The following SCAND1 variants were observed in gnomAD, a reference collection of about 807,000 sequenced individuals.
SCAND1 encodes SCAN domain-containing protein 1.
Under a neutral mutation model 3.4 loss-of-function variants are expected in SCAND1, and 3 were observed. That is an observed-to-expected ratio of 0.87 (90% confidence interval 0.40 to 2.25). The LOEUF (loss-of-function observed/expected upper bound fraction) is 2.25. SCAND1 is among the 30% of genes most tolerant of loss of function. SCAND1 has a pLI of 0.05. For synonymous variants in SCAND1, 152 were observed against 120.5 expected (o/e 1.26, Z -1.72); for missense variants, 303 against 258.8 (o/e 1.17, Z -1.17).
Position 35,954,203 on chromosome 20 carries a change from T to C in SCAND1, c.82A>G (p.Ser28Gly). 6.2e-7 allele frequency: 1 copy of C among 1,612,216 alleles called. No homozygotes were observed. Among genetic ancestry groups the C allele is most frequent in the African/African-American group, 1.3e-5 (1 of 74,968 alleles). The change falls in exon 2 of 2, where the codon AGC becomes GGC. Residue 28 changes from serine (S) to glycine (G), a missense_variant. By Grantham distance (56) the Ser-to-Gly change is moderately conservative (BLOSUM62 0). Transcript: ENST00000305978. ...ACACAGTTACGCTCAGGGGCTGAGC[T>C]CGAACCGGCTCCTTCCAGTTTCTCC... ...PPEKLEGAGSSSAPERNCVGS... is the reference protein window; with the variant it reads ...PPEKLEGAGSGSAPERNCVGS...
Position 35,954,147 on chromosome 20 carries a change from A to C in SCAND1, c.138T>G (p.Pro46=). ...VGSSLPEASP[P]APEPSSPNAA... ...CGTTGGGACTGGAAGGCTCAGGGGCAGGCGGTGAGGCCTCTGGCAGCGAGG... is the reference window on the plus strand; with the variant it reads ...CGTTGGGACTGGAAGGCTCAGGGGCCGGCGGTGAGGCCTCTGGCAGCGAGG... Residue 46 remains proline (P), a synonymous_variant, in exon 2 of 2, where the codon CCT becomes CCG. Coordinates refer to ENST00000305978, the MANE Select transcript of SCAND1 (RefSeq NM_033630.3). 2 of 1,584,186 alleles carry C rather than the reference A, an allele frequency of 1.3e-6. No homozygotes were observed. The highest frequency in any genetic ancestry group is 1.7e-6 in the Non-Finnish European group (2 of 1,165,960).
chr20:35,954,410 G>A (rs1298435728), intron 1 of SCAND1, 38 bp downstream of exon 1: 1 of 1,554,140 alleles, frequency 6.4e-7, no homozygotes, highest in Non-Finnish European at 8.7e-7. Context: ...CCTTGAGGGA[G>A]TCGGACTCGG....
chr20:35,957,914 C>G (rs1332356597), upstream of SCAND1: 1 of 152,150 alleles, frequency 6.6e-6, no homozygotes, highest in Non-Finnish European at 1.5e-5. Flanking sequence ...GCTTCCAACA[C>G]AAGGCCTGAC....
At position 35,954,279 on chromosome 20, in the gene SCAND1, C is replaced by G. The variant is rs1379768256; in HGVS notation, c.6G>C (p.Ala2=). M[A]ATEPILAATG... is the part of the protein sequence containing the mutation. ...TGGCCGCCAAGATCGGCTCCGTAGCCGCCATAACTCCAGCTCCGGGCGTCA... is the reference window on the plus strand; with the variant it reads ...TGGCCGCCAAGATCGGCTCCGTAGCGGCCATAACTCCAGCTCCGGGCGTCA... The change falls in exon 2 of 2, where the codon GCG becomes GCC. Residue 2 remains alanine (A), a synonymous_variant. Coordinates refer to ENST00000305978, the MANE Select transcript of SCAND1 (RefSeq NM_033630.3). 6.2e-7 allele frequency: 1 copy of G among 1,613,524 alleles called. No homozygotes were observed. The highest frequency in any genetic ancestry group is 8.5e-7 in the Non-Finnish European group (1 of 1,179,928).
chr20:35,953,857 G>A lies in SCAND1; in HGVS notation c.428C>T (p.Thr143Ile), dbSNP rs1347259663. ...CAGCATCTCCACGATCTGCTCCTTG[G>A]TGCGGATGTCAGGCCGCAGCCACTG... is the stretch of plus-strand genomic sequence containing the variant. ...SRQWLRPDIR[T>I]KEQIVEMLVQ... Residue 143 changes from threonine to isoleucine, a missense_variant, in exon 2 of 2, where the codon ACC becomes ATC. By Grantham distance (89) the Thr-to-Ile change is moderately conservative (BLOSUM62 -1). Coordinates refer to ENST00000305978, the MANE Select transcript of SCAND1 (RefSeq NM_033630.3). 1 of 1,592,008 alleles carries A rather than the reference G, an allele frequency of 6.3e-7. No individual in the cohort carries two copies. The highest frequency in any genetic ancestry group is 1.3e-5 in the African/African-American group (1 of 74,312).
chr20:35,957,586 CAT>C (rs1328477294), upstream of SCAND1: 1 of 152,108 alleles, frequency 6.6e-6, no homozygotes, highest in Non-Finnish European at 1.5e-5. Flanking sequence ...TGAAAAAAAA[CAT>C]ATAATGCCTC....
In SCAND1 at chr20:35,953,942, G is replaced by T; in HGVS notation, c.343C>A (p.Arg115Ser). 2 of 1,578,904 alleles carry T rather than the reference G, an allele frequency of 1.3e-6. No individual in the cohort carries two copies. Among genetic ancestry groups the T allele is most frequent in the East Asian group, 2.3e-5 (1 of 42,884 alleles). ...ETFRQRFRQF[R>S]YQDAAGPREA... ...CGGGGACCCGCCGCATCCTGGTAGC[G>T]GAACTGCCGGAAACGCTGGCGGAAC... is the stretch of plus-strand genomic sequence containing the variant. The change falls in exon 2 of 2, where the codon CGC becomes AGC. Residue 115 changes from arginine to serine, a missense_variant. Coordinates refer to ENST00000305978, the MANE Select transcript of SCAND1 (RefSeq NM_033630.3).
chr20:35,955,662 C>T (rs1345404477), upstream of SCAND1, among the ~76,000 whole-genome samples: 3 of 152,200 alleles, frequency 2.0e-5, no homozygotes, highest in Non-Finnish European at 1.5e-5. Flanking sequence ...ACTTACCTCT[C>T]AGAGGTAATT....
rs3171387 is a variant in SCAND1, at chr20:35,953,659, T to G, written c.*86A>C. On this transcript the variant is annotated 3_prime_UTR_variant, in exon 2 of 2. Transcript: ENST00000305978. ...AAACTCATTTTTCATTAACACGGGG[T>G]GGGGTCCCAGGCTCAGGCCCCCGGG... 1 of 793,032 alleles carries G rather than the reference T, an allele frequency of 1.3e-6. No individual in the cohort carries two copies. Among genetic ancestry groups the G allele is most frequent in the African/African-American group, 1.8e-5 (1 of 54,362 alleles). The allele number at this position is 793,032 out of a possible 1,614,324, so 49.1% of individuals were successfully genotyped here. A position where few individuals can be genotyped will look rare whatever the true frequency, so the allele number is the denominator to read the frequency against.
rs747027871 is a variant in SCAND1, at chr20:35,954,249, C to G, written c.36G>C (p.Gly12=). 1.2e-6 allele frequency: 2 copies of G among 1,613,108 alleles called. No individual in the cohort carries two copies. The highest frequency in any genetic ancestry group is 2.2e-5 in the South Asian group (2 of 91,086). The change falls in exon 2 of 2, where the codon GGG becomes GGC. Residue 12 remains glycine, a synonymous_variant. Coordinates refer to ENST00000305978, the MANE Select transcript of SCAND1 (RefSeq NM_033630.3). ...AATEPILAAT[G]SPAAVPPEKL... ...TCTCCGGTGGCACCGCCGCGGGACT[C>G]CCAGTGGCCGCCAAGATCGGCTCCG...
At chr20:35,955,493 C>T (rs1197789170), upstream of SCAND1, 1 of 152,154 alleles carries the variant, frequency 6.6e-6, no homozygotes, top group Admixed American at 6.5e-5. Context: ...GGTGGAATCC[C>T]CTTTGACGAT....
chr20:35,954,202 C>T lies in SCAND1; in HGVS notation c.83G>A (p.Ser28Asn). Residue 28 changes from serine (S) to asparagine (N), a missense_variant, in exon 2 of 2, where the codon AGC becomes AAC. Physicochemically the swap from Ser to Asn is conservative, Grantham distance 46. Coordinates refer to ENST00000305978, the MANE Select transcript of SCAND1 (RefSeq NM_033630.3). The stretch of plus-strand genomic sequence containing the variant: ...CACACAGTTACGCTCAGGGGCTGAG[C>T]TCGAACCGGCTCCTTCCAGTTTCTC... Reference protein sequence around the residue: ...PPEKLEGAGSSSAPERNCVGS... With the variant: ...PPEKLEGAGSNSAPERNCVGS... 1.9e-6 allele frequency: 3 copies of T among 1,612,258 alleles called. No homozygotes were observed. Among genetic ancestry groups the T allele is most frequent in the Non-Finnish European group, 2.5e-6 (3 of 1,179,898 alleles).
In SCAND1 at chr20:35,954,116, C is replaced by A; in HGVS notation, c.169G>T (p.Val57Phe). The A allele has an allele frequency of 6.5e-7, 1 of 1,545,010 alleles. No homozygotes were observed. The highest frequency in any genetic ancestry group is 1.4e-5 in the African/African-American group (1 of 73,150). ...CGGGGCGTAGGGATGGCTTCAGGGA[C>A]CGCGGCGTTGGGACTGGAAGGCTCA... ...APEPSSPNAA[V>F]PEAIPTPRAA... is the part of the protein sequence containing the mutation. Residue 57 changes from valine to phenylalanine, a missense_variant, in exon 2 of 2, where the codon GTC becomes TTC. Coordinates refer to ENST00000305978, the MANE Select transcript of SCAND1 (RefSeq NM_033630.3).
In SCAND1 at chr20:35,954,273, C is replaced by T. The variant is rs1211122172; in HGVS notation, c.12G>A (p.Thr4=). The T allele has an allele frequency of 1.9e-6, 3 of 1,612,386 alleles. No homozygotes were observed. The highest frequency in any genetic ancestry group is 1.7e-5 in the Admixed American group (1 of 60,012). The change falls in exon 2 of 2, where the codon ACG becomes ACA. Residue 4 remains threonine (T), a synonymous_variant. Coordinates refer to ENST00000305978, the MANE Select transcript of SCAND1 (RefSeq NM_033630.3). MAA[T]EPILAATGSP... Reference sequence around the variant, plus strand: ...TCCCAGTGGCCGCCAAGATCGGCTCCGTAGCCGCCATAACTCCAGCTCCGG... The same window carrying T: ...TCCCAGTGGCCGCCAAGATCGGCTCTGTAGCCGCCATAACTCCAGCTCCGG...
upstream of SCAND1, chr20:35,954,558 C>T: frequency 6.7e-7 from 1 of 1,487,512 alleles, no homozygotes; most frequent in South Asian, 1.2e-5. Flanking sequence ...GGAAGCGGCG[C>T]CCTCTAGCGT....
At chr20:35,958,592 A>G (rs1165237709), upstream of SCAND1, among the ~76,000 whole-genome samples, 1 of 152,208 alleles carries the variant, frequency 6.6e-6, no homozygotes, top group Admixed American at 6.5e-5. Flanking sequence ...TGACATTGGT[A>G]CAATCCACAG....
Position 35,954,462 on chromosome 20 carries a change from C to G in SCAND1, c.-70G>C, listed in dbSNP as rs2056226497. On this transcript the variant is annotated 5_prime_UTR_variant, in exon 1 of 2. Coordinates refer to ENST00000305978, the MANE Select transcript of SCAND1 (RefSeq NM_033630.3). ...GCGGAGCTTACCTGCACCAGCGAAG[C>G]GCCTGCGGCAGCCGGAAGCGAAAGT... 1.9e-6 allele frequency: 3 copies of G among 1,548,370 alleles called. No individual in the cohort carries two copies. The highest frequency in any genetic ancestry group is 2.4e-5 in the East Asian group (1 of 40,846).
At chr20:35,956,028 G>A (rs1188702088), upstream of SCAND1, among the ~76,000 whole-genome samples, 1 of 152,156 alleles carries the variant, frequency 6.6e-6, no homozygotes, top group Non-Finnish European at 1.5e-5. Context: ...GCCACAAATA[G>A]GTTTTATATC....
At chr20:35,954,666 G>A (rs2056232332), upstream of SCAND1, 1 of 1,228,856 alleles carries the variant, frequency 8.1e-7, no homozygotes, top group Non-Finnish European at 1.1e-6. Context: ...CTGAGCGCCA[G>A]TTCGAGGAGG....
Sources: allele counts gnomAD v4.1 joint callset (sites outside exome capture counted in the v4.1 genomes callset), GRCh38; gene constraint gnomAD v4.1.1; transcripts MANE v1.5; gene names NCBI Gene and HGNC (gene_info 2026-07-23, HGNC 2026-07-21).